Variants in SPTLC1 observed in about 807,000 individuals in gnomAD.
SPTLC1 encodes serine palmitoyltransferase long chain base subunit 1.
A neutral mutation model predicts 68.9 loss-of-function variants in SPTLC1; 55 were observed. That is an observed-to-expected ratio of 0.80 (90% CI 0.64 to 1.00). The LOEUF (loss-of-function observed/expected upper bound fraction) is 1.00. Ranked by LOEUF, SPTLC1 falls within the 50% of genes least tolerant of loss-of-function variation. SPTLC1 has a pLI of 0.00. For missense variants in SPTLC1, 449 were observed against 573.1 expected (o/e 0.78, Z 2.21); for synonymous variants, 197 against 201.6 (o/e 0.98, Z 0.19).
chr9:92,037,167 G>A lies in SPTLC1; in HGVS notation c.1254+1081C>T, dbSNP rs1472061395. 1.3e-5 allele frequency among the ~76,000 whole-genome samples: 2 copies of A among 152,154 alleles called. 1 individual carries two copies. Among genetic ancestry groups the A allele is most frequent in the South Asian group, 4.1e-4 (2 of 4,826 alleles). On this transcript the variant is annotated intron_variant, in intron 13 of 14. Transcript: ENST00000262554. ...GGCAGCAGAGGCTGCCTGCACACCC[G>A]GTCTGTATACTGCACAGCCATGTGG...
chr9:92,071,148 G>A (rs551271414), intron 5 of SPTLC1, among the ~76,000 whole-genome samples: 4 of 151,250 alleles, frequency 2.6e-5, no homozygotes, highest in East Asian at 3.9e-4. Context: ...CCAGCACTTC[G>A]GGAGGCCGAG....
At chr9:92,099,334 G>A (rs1395519126) in intron 3 of SPTLC1, among the ~76,000 whole-genome samples, 1 of 152,194 alleles carries the variant, frequency 6.6e-6, no homozygotes, top group Non-Finnish European at 1.5e-5. Flanking sequence ...GGCACAGTGA[G>A]TGTAGATGTG....
At chr9:92,087,287 G>T (rs1346863571) in intron 3 of SPTLC1, among the ~76,000 whole-genome samples, 3 of 152,220 alleles carry the variant, frequency 2.0e-5, no homozygotes, top group African/African-American at 4.8e-5. Context: ...TGCTTGTGAG[G>T]AACTGCGTTC....
At chr9:92,059,635 C>T (rs1355473677) in intron 6 of SPTLC1, among the ~76,000 whole-genome samples, 1 of 152,150 alleles carries the variant, frequency 6.6e-6, no homozygotes, top group African/African-American at 2.4e-5. Flanking sequence ...ACTGGTGTGC[C>T]TCACCATCAG....
chr9:92,079,205 A>G, intron 5 of SPTLC1: 1 of 373,164 alleles, frequency 2.7e-6, no homozygotes, highest in Non-Finnish European at 4.2e-6. Flanking sequence ...CCTCCCACGT[A>G]GCTGGGATTA....
chr9:92,055,385 A>G lies in SPTLC1; in HGVS notation c.780+20T>C, dbSNP rs2118508879. On this transcript the variant is annotated intron_variant, in intron 8 of 14. Transcript: ENST00000262554. Reference sequence around the variant, plus strand: ...CAAATAGTCCAAATATTAAAATTACAGCTGAACATGGTTGCTTACCAATTC... The same window carrying G: ...CAAATAGTCCAAATATTAAAATTACGGCTGAACATGGTTGCTTACCAATTC... 1.2e-6 allele frequency: 2 copies of G among 1,612,666 alleles called. No homozygotes were observed. Among genetic ancestry groups the G allele is most frequent in the Non-Finnish European group, 1.7e-6 (2 of 1,179,988 alleles).
intron 3 of SPTLC1, among the ~76,000 whole-genome samples, chr9:92,087,733 G>T (rs965309610): frequency 1.3e-5 from 2 of 152,214 alleles, no homozygotes; most frequent in African/African-American, 4.8e-5. Context: ...CCCGTTCTCA[G>T]ATCTCCAGCT....
rs76273355 is a variant in SPTLC1, at chr9:92,046,229, G to T, written c.1082-176C>A. 2.7e-3 allele frequency: 1,688 copies of T among 633,714 alleles called. 28 individuals are homozygous for T. In the African/African-American group the frequency reaches 0.028, roughly 10 times the overall value. The allele number at this position is 633,714 out of a possible 1,614,324, so 39.3% of individuals were successfully genotyped here. On this transcript the variant is annotated intron_variant, in intron 11 of 14. Transcript: ENST00000262554. ...AAGGCCCAAGCTTTGTCTCTGGTGC[G>T]TGCTAACTGGCCCCTTCTCACCTCA...
intron 3 of SPTLC1, among the ~76,000 whole-genome samples, chr9:92,098,044 A>C (rs951862869): frequency 2.4e-4 from 37 of 152,206 alleles, no homozygotes; most frequent in African/African-American, 8.2e-4. Context: ...ACTCCGGTGA[A>C]GACTCCAAGA....
At chr9:92,081,445 A>G (rs1385137090) in intron 3 of SPTLC1, among the ~76,000 whole-genome samples, 2 of 152,216 alleles carry the variant, frequency 1.3e-5, no homozygotes, top group East Asian at 1.9e-4. Flanking sequence ...TATGTTCCCA[A>G]TGTCTAAAGT....
At chr9:92,062,001 T>TA (rs1324210814) in intron 6 of SPTLC1, among the ~76,000 whole-genome samples, 2 of 152,136 alleles carry the variant, frequency 1.3e-5, no homozygotes, top group Admixed American at 1.3e-4. Context: ...TGTCAATAAT[T>TA]ACATTAAATG....
intron 7 of SPTLC1, among the ~76,000 whole-genome samples, chr9:92,057,282 C>T (rs764747219): frequency 2.0e-5 from 3 of 149,330 alleles, no homozygotes; most frequent in South Asian, 2.1e-4. Flanking sequence ...CCTTCATTTG[C>T]TTTTTCATAT....
At chr9:92,104,193 G>T (rs766494419) in intron 3 of SPTLC1, among the ~76,000 whole-genome samples, 1 of 152,096 alleles carries the variant, frequency 6.6e-6, no homozygotes, top group African/African-American at 2.4e-5. Context: ...TGCACAACTC[G>T]CTCAAAATGG....
intron 5 of SPTLC1, among the ~76,000 whole-genome samples, chr9:92,074,190 C>G (rs930479317): frequency 1.3e-5 from 2 of 152,032 alleles, no homozygotes; most frequent in African/African-American, 4.8e-5. Flanking sequence ...TTAATCGATA[C>G]GGGGGCTACC....
chr9:92,095,422 G>A (rs988641778), intron 3 of SPTLC1, among the ~76,000 whole-genome samples: 1 of 152,180 alleles, frequency 6.6e-6, no homozygotes, highest in African/African-American at 2.4e-5. Flanking sequence ...TTAATCAGAG[G>A]ATTCTTTGCA....
At chr9:92,036,538 C>T (rs1318881213) in intron 13 of SPTLC1, among the ~76,000 whole-genome samples, 4 of 152,198 alleles carry the variant, frequency 2.6e-5, no homozygotes, top group Non-Finnish European at 4.4e-5. Context: ...TGATGCAGTT[C>T]GAGAAGAGAC....
intron 12 of SPTLC1, among the ~76,000 whole-genome samples, chr9:92,041,296 TTA>T (rs1833342980): frequency 6.6e-6 from 1 of 152,204 alleles, no homozygotes; most frequent in African/African-American, 2.4e-5. Context: ...TTGAAAATAT[TTA>T]TCTTTAATAT....
intron 3 of SPTLC1, among the ~76,000 whole-genome samples, chr9:92,092,234 A>G (rs12380093): frequency 0.16 from 24,548 of 152,230 alleles, 2,295 homozygotes; most frequent in Admixed American, 0.21. Context: ...CAAAATTTAC[A>G]ATAAAGTAAG....
rs1263302190 is a variant in SPTLC1, at chr9:92,086,725, A to G, written c.261-5762T>C. Among the ~76,000 whole-genome samples, 26 of 152,062 alleles carry G rather than the reference A, an allele frequency of 1.7e-4. No individual in the cohort carries two copies. The East Asian group carries it at 5.0e-3, about 29-fold the overall frequency. ...TGAATCTGACAATTATGTGTCTTGG[A>G]GTTGCTCTTCTCAAGGAGTATCTTT... On this transcript the variant is annotated intron_variant, in intron 3 of 14. Transcript: ENST00000262554.
Sources: allele counts gnomAD v4.1 joint callset (sites outside exome capture counted in the v4.1 genomes callset), GRCh38; gene constraint gnomAD v4.1.1; transcripts MANE v1.5; gene names NCBI Gene and HGNC (gene_info 2026-07-23, HGNC 2026-07-21).